The following GREB1 variants were observed in gnomAD, a reference collection of about 807,000 sequenced individuals.
GREB1 encodes growth regulating estrogen receptor binding 1.
In GREB1, 106 loss-of-function variants were observed where a neutral mutation model predicts 200.7. That is an observed-to-expected ratio of 0.53 (90% CI 0.45 to 0.62). The LOEUF (loss-of-function observed/expected upper bound fraction) is 0.62, where lower values mean the gene tolerates loss of function less well. GREB1 is among the 20% of genes least tolerant of loss of function. The probability of loss-of-function intolerance (pLI) is 0.00; values close to 1 mark genes in which losing one functional copy is unlikely to be tolerated. For missense variants in GREB1, 2,243 were observed against 2,556.8 expected (o/e 0.88, Z 2.65); for synonymous variants, 1,132 against 1,092.4 (o/e 1.04, Z -0.72).
At chr2:11,602,916 A>G (rs1455894905) in intron 17 of GREB1, among the ~76,000 whole-genome samples, 2 of 152,220 alleles carry the variant, frequency 1.3e-5, no homozygotes, top group Non-Finnish European at 1.5e-5. Context: ...CATGTATTGA[A>G]TGTTTATTTT....
intron 4 of GREB1, among the ~76,000 whole-genome samples, chr2:11,567,777 G>C (rs561419212): frequency 1.3e-5 from 2 of 152,314 alleles, no homozygotes; most frequent in Admixed American, 6.5e-5. Context: ...CACTCAGCAG[G>C]CTCCCCCATT....
chr2:11,566,771 G>C, intron 4 of GREB1, 115 bp downstream of exon 4: 2 of 840,148 alleles, frequency 2.4e-6, no homozygotes, highest in South Asian at 1.9e-5. Context: ...GACCCCAGGC[G>C]CAGCATGCAG....
chr2:11,539,929 C>T (rs561682371), intron 1 of GREB1: 1 of 152,068 alleles, frequency 6.6e-6, no homozygotes, highest in South Asian at 2.1e-4. Flanking sequence ...GTCAGGCAGA[C>T]CCGAGCCAGG....
In GREB1 at chr2:11,585,892, A is replaced by G. The variant is rs774014143; in HGVS notation, c.1146A>G (p.Pro382=). 1 of 1,613,864 alleles carries G rather than the reference A, an allele frequency of 6.2e-7. No individual in the cohort carries two copies. The change falls in exon 9 of 33, where the codon CCA becomes CCG. Residue 382 remains proline (P), a synonymous_variant. Coordinates refer to ENST00000381486, the MANE Select transcript of GREB1 (RefSeq NM_014668.4). Reference sequence around the variant, plus strand: ...TGCTGAAAATATGCAAGGCCAAGCCAGTGATATTTAAAGGCAAGTACAGCA... The same window carrying G: ...TGCTGAAAATATGCAAGGCCAAGCCGGTGATATTTAAAGGCAAGTACAGCA... ...DNLLKICKAK[P]VIFKGHGNFP... is the part of the protein sequence containing the mutation.
Position 11,629,957 on chromosome 2 carries a change from T to G in GREB1, c.4459T>G (p.Ser1487Ala). The G allele has an allele frequency of 6.2e-7, 1 of 1,613,912 alleles. No homozygotes were observed. Among genetic ancestry groups the G allele is most frequent in the South Asian group, 1.1e-5 (1 of 91,030 alleles). Residue 1487 changes from serine (S) to alanine (A), a missense_variant, in exon 26 of 33, where the codon TCC becomes GCC. Coordinates refer to ENST00000381486, the MANE Select transcript of GREB1 (RefSeq NM_014668.4). The surrounding 1 kb of genome is among the most constrained non-coding windows in gnomAD (Gnocchi z 5.2). The stretch of plus-strand genomic sequence containing the variant: ...TTCCCCCACACCCCAGCTGTATGAG[T>G]CCACCCTGCACGCCTTTGCCTTCTC... Reference protein sequence around the residue: ...GFHPRYQLYESTLHAFAFSYS... With the variant: ...GFHPRYQLYEATLHAFAFSYS...
Position 11,578,429 on chromosome 2 carries a change from C to A in GREB1, c.770C>A (p.Ala257Glu). The change falls in exon 6 of 33, where the codon GCA becomes GAA. Residue 257 changes from alanine to glutamate, a missense_variant and splice_region_variant. By Grantham distance (107) the Ala-to-Glu change is moderately radical. This residue lies in a region of GREB1 where 1,178 missense variants were observed against 1,387.4 expected (regional missense o/e 0.85). Transcript: ENST00000381486. ...AGCATCCTGATGGGAGCTCAGCAGG[C>A]AGGTGAGGTGGTGGAGACACACCAG... Reference protein sequence around the residue: ...NPSILMGAQQAGPASDHPSLN... With the variant: ...NPSILMGAQQEGPASDHPSLN... 1 of 1,613,714 alleles carries A rather than the reference C, an allele frequency of 6.2e-7. No homozygotes were observed. The highest frequency in any genetic ancestry group is 8.5e-7 in the Non-Finnish European group (1 of 1,179,992).
chr2:11,517,209 C>T (rs1673536754), intron 1 of GREB1, among the ~76,000 whole-genome samples: 1 of 152,202 alleles, frequency 6.6e-6, no homozygotes, highest in Non-Finnish European at 1.5e-5. Flanking sequence ...TGCCCTTTGC[C>T]TTCCAGCAGC....
intron 4 of GREB1, among the ~76,000 whole-genome samples, chr2:11,576,081 T>C (rs1235887365): frequency 6.6e-6 from 1 of 152,132 alleles, no homozygotes; most frequent in Non-Finnish European, 1.5e-5. Context: ...AGAGTTTGGA[T>C]GAACTCTGTC....
At position 11,618,490 on chromosome 2, in the gene GREB1, G is replaced by A; in HGVS notation, c.3615G>A (p.Arg1205=). The change falls in exon 22 of 33, where the codon AGG becomes AGA. Residue 1205 remains arginine, a synonymous_variant. Transcript: ENST00000381486. ...GPTPQPDCSL[R]TGQRSVQVSV... ...CGCCCCAGCCCGACTGTAGCCTCAG[G>A]ACCGGCCAGAGGAGCGTCCAGGTGT... The A allele has an allele frequency of 3.7e-6, 6 of 1,610,114 alleles. No individual in the cohort carries two copies. In the South Asian group the frequency reaches 6.6e-5, roughly 18 times the overall value.
chr2:11,575,481 C>T (rs1572767667), intron 4 of GREB1, among the ~76,000 whole-genome samples: 1 of 152,192 alleles, frequency 6.6e-6, no homozygotes, highest in East Asian at 1.9e-4. Context: ...GCGTAGGAAG[C>T]CTGCTTAGAG....
chr2:11,624,449 A>C (rs1684271656), intron 23 of GREB1, among the ~76,000 whole-genome samples: 1 of 147,874 alleles, frequency 6.8e-6, no homozygotes, highest in African/African-American at 2.5e-5. Context: ...GGTTCAAGTC[A>C]TTCTCCTGCC....
chr2:11,635,474 G>A (rs1170707212), intron 30 of GREB1, 69 bp downstream of exon 30: 17 of 1,525,006 alleles, frequency 1.1e-5, no homozygotes, highest in Non-Finnish European at 1.4e-5. Context: ...CACACTGAGG[G>A]TAGGAGCCAT....
intron 1 of GREB1, among the ~76,000 whole-genome samples, chr2:11,543,914 GA>G (rs1674996535): frequency 6.6e-6 from 1 of 152,142 alleles, no homozygotes; most frequent in Non-Finnish European, 1.5e-5. Context: ...GAGTGGGGAG[GA>G]GTTGGGTCTG....
Position 11,615,211 on chromosome 2 carries a change from G to T in GREB1, c.3243G>T (p.Gly1081=). 2 of 1,613,986 alleles carry T rather than the reference G, an allele frequency of 1.2e-6. No homozygotes were observed. ...GCAACGAGGTTCCCTTGGAGAAGGGGGCTAGGAACGAGGCCTTGGAGAGTG... is the reference window on the plus strand; with the variant it reads ...GCAACGAGGTTCCCTTGGAGAAGGGTGCTAGGAACGAGGCCTTGGAGAGTG... The part of the protein sequence containing the change: ...FVSNEVPLEK[G]ARNEALESDA... Residue 1081 remains glycine (G), a synonymous_variant, in exon 20 of 33, where the codon GGG becomes GGT. Transcript: ENST00000381486.
At chr2:11,518,103 C>T (rs1275432287) in intron 1 of GREB1, among the ~76,000 whole-genome samples, 1 of 152,132 alleles carries the variant, frequency 6.6e-6, no homozygotes, top group Non-Finnish European at 1.5e-5. Flanking sequence ...CAATAACTAA[C>T]AAAATGGAAT....
intron 2 of GREB1, among the ~76,000 whole-genome samples, chr2:11,559,002 C>T (rs1411834891): frequency 6.6e-6 from 1 of 152,166 alleles, no homozygotes; most frequent in Non-Finnish European, 1.5e-5. Flanking sequence ...ACAAAACAGA[C>T]ACTGTCCAGC....
At chr2:11,526,445 T>G (rs73917244) in intron 1 of GREB1, among the ~76,000 whole-genome samples, 7,791 of 149,218 alleles carry the variant, frequency 0.052, 729 homozygotes, top group African/African-American at 0.19. Flanking sequence ...ACAAGAATTT[T>G]AGTGAAGATT....
intron 17 of GREB1, among the ~76,000 whole-genome samples, 181 bp downstream of exon 17, chr2:11,602,723 G>A (rs1038193718): frequency 1.3e-5 from 2 of 152,090 alleles, no homozygotes; most frequent in Non-Finnish European, 2.9e-5. Context: ...TTGGGTCAGC[G>A]ATATCTTTGT....
chr2:11,635,507 A>G lies in GREB1; in HGVS notation c.5346+102A>G, dbSNP rs1040669208. On this transcript the variant is annotated intron_variant, in intron 30 of 32. Coordinates refer to ENST00000381486, the MANE Select transcript of GREB1 (RefSeq NM_014668.4). ...CATTGAGGGAGGCCATGTCTCTTTC[A>G]AGCGCATGGGGCAGGGCCCTACTGG... 66 of 1,368,082 alleles carry G rather than the reference A, an allele frequency of 4.8e-5. No individual in the cohort carries two copies. The African/African-American group carries it at 7.1e-4, about 15-fold the overall frequency. The allele number at this position is 1,368,082 out of a possible 1,614,324, so 84.7% of individuals were successfully genotyped here.
Sources: allele counts gnomAD v4.1 joint callset (sites outside exome capture counted in the v4.1 genomes callset), GRCh38; gene constraint gnomAD v4.1.1; regional missense constraint gnomAD v4.1.1; non-coding constraint Gnocchi (gnomAD v3.1); transcripts MANE v1.5; gene names NCBI Gene and HGNC (gene_info 2026-07-23, HGNC 2026-07-21).